Variants in CLUL1 observed in about 807,000 individuals in gnomAD.
CLUL1 encodes the protein clusterin-like protein 1.
A neutral mutation model predicts 49.4 loss-of-function variants in CLUL1; 43 were observed. The observed-to-expected ratio is 0.87, with a 90% CI of 0.68 to 1.12. The LOEUF (loss-of-function observed/expected upper bound fraction) is 1.12. Ranked by LOEUF, CLUL1 falls within the 50% of genes most tolerant of loss-of-function variation. The pLI is 0.00. For synonymous variants in CLUL1, 192 were observed against 184.9 expected, an observed-to-expected ratio of 1.04 and a Z score of -0.31; for missense variants, 486 against 544.4, an observed-to-expected ratio of 0.89 and a Z score of 1.07.
Position 618,138 on chromosome 18 carries a change from T to C in CLUL1, c.106+32T>C, listed in dbSNP as rs563008857. 7.3e-5 allele frequency: 110 copies of C among 1,497,520 alleles called. 2 individuals carry two copies. In the South Asian group the frequency reaches 1.2e-3, roughly 16 times the overall value. 92.8% of individuals were successfully genotyped at this position (1,497,520 alleles called of 1,614,324 possible). ...TTGGTTTCTTATCTGTGCTGTGTCC[T>C]GTTTGCATGTTGGTTGTCCTGCTGG... On this transcript the variant is annotated intron_variant, in intron 3 of 9. Transcript: ENST00000692774. This position sits in a 1 kb window ranked among gnomAD's most constrained non-coding sequence, Gnocchi z 4.2.
chr18:629,148 C>T (rs1384216760), intron 6 of CLUL1, among the ~76,000 whole-genome samples: 1 of 152,132 alleles, frequency 6.6e-6, no homozygotes. Context: ...AGAGAACAGC[C>T]ATCATTACTG....
chr18:642,783 A>G (rs1290408291), intron 8 of CLUL1, among the ~76,000 whole-genome samples: 5 of 152,208 alleles, frequency 3.3e-5, no homozygotes, highest in Non-Finnish European at 7.3e-5. Flanking sequence ...CTAACTGCTT[A>G]TCTCTGAAAC....
intron 2 of CLUL1, among the ~76,000 whole-genome samples, chr18:611,450 G>C (rs576489044): frequency 6.6e-6 from 1 of 151,990 alleles, no homozygotes; most frequent in Non-Finnish European, 1.5e-5. Flanking sequence ...TGTCATCCCA[G>C]CTACTCAGGA....
chr18:624,211 G>A (rs1050979453), intron 4 of CLUL1, among the ~76,000 whole-genome samples: 3 of 151,688 alleles, frequency 2.0e-5, no homozygotes, highest in Non-Finnish European at 4.4e-5. Flanking sequence ...GGGAGCACTG[G>A]GAATATAAAC....
chr18:637,692 T>A (rs2144148605), intron 7 of CLUL1, among the ~76,000 whole-genome samples: 1 of 152,188 alleles, frequency 6.6e-6, no homozygotes, highest in Non-Finnish European at 1.5e-5. Flanking sequence ...CTCTTTCTCC[T>A]GGCCAGGTGC....
intron 9 of CLUL1, chr18:649,613 G>A (rs548818505): frequency 2.2e-4 from 65 of 295,244 alleles, no homozygotes; most frequent in African/African-American, 1.3e-3. Context: ...CAAACACTAC[G>A]TGCATGTAGA....
chr18:639,063 G>A (rs986513059), intron 7 of CLUL1, among the ~76,000 whole-genome samples: 2 of 152,004 alleles, frequency 1.3e-5, no homozygotes, highest in Admixed American at 1.3e-4. Flanking sequence ...TACAAATGCC[G>A]ATATCATACA....
At chr18:644,119 A>G (rs570362098) in intron 8 of CLUL1, among the ~76,000 whole-genome samples, 97 of 152,354 alleles carry the variant, frequency 6.4e-4, no homozygotes, top group Middle Eastern at 3.4e-3. Flanking sequence ...GTTGTATAAT[A>G]GTTACATGGG....
chr18:646,359 G>C (rs2074507500), intron 9 of CLUL1, among the ~76,000 whole-genome samples: 1 of 150,428 alleles, frequency 6.6e-6, no homozygotes, highest in Non-Finnish European at 1.5e-5. Context: ...AGTTGTATCA[G>C]TCAGCCAACC....
Position 644,996 on chromosome 18 carries a change from C to G in CLUL1, c.1296C>G (p.Phe432Leu), listed in dbSNP as rs1361255799. 1 of 1,613,662 alleles carries G rather than the reference C, an allele frequency of 6.2e-7. No homozygotes were observed. The highest frequency in any genetic ancestry group is 8.5e-7 in the Non-Finnish European group (1 of 1,179,662). The change falls in exon 9 of 10, where the codon TTC becomes TTG. Residue 432 changes from phenylalanine to leucine, a missense_variant. Transcript: ENST00000692774. ...TDLSILPSSNFTLKIPLEESA... is the reference protein window; with the variant it reads ...TDLSILPSSNLTLKIPLEESA... ...TAAGCATTCTGCCTTCCTCTAATTT[C>G]ACACTCAAGATCCCTCTTGAAGAAA...
In CLUL1 at chr18:611,846, C is replaced by G. The variant is rs1329260368; in HGVS notation, c.-14+4747C>G. Among the ~76,000 whole-genome samples the G allele has an allele frequency of 3.9e-5, 6 of 152,276 alleles. No homozygotes were observed. The East Asian group carries it at 7.7e-4, about 20-fold the overall frequency. On this transcript the variant is annotated intron_variant, in intron 2 of 9. Transcript: ENST00000692774. The stretch of plus-strand genomic sequence containing the variant: ...TCTTGTTGGTAGTGAGAGTTAGACC[C>G]TGGTGGACTGGGTAGGGGGTTCCTG...
At chr18:633,819 G>GTGTAATCGGAATGAATCAGGGCGGAGCA (rs2074060344) in intron 7 of CLUL1, among the ~76,000 whole-genome samples, 5 of 15,594 alleles carry the variant, frequency 3.2e-4, no homozygotes, top group South Asian at 3.4e-3. Flanking sequence ...AGGGCGGAGC[G>GTGTAATCGGAATGAATCAGGGCGGAGCA]TGTAATCGGA....
At position 619,216 on chromosome 18, in the gene CLUL1, T is replaced by C; in HGVS notation, c.110T>C (p.Phe37Ser). 1 of 1,610,828 alleles carries C rather than the reference T, an allele frequency of 6.2e-7. No homozygotes were observed. Among genetic ancestry groups the C allele is most frequent in the Non-Finnish European group, 8.5e-7 (1 of 1,179,262 alleles). Residue 37 changes from phenylalanine (F) to serine (S), a missense_variant, in exon 4 of 10, where the codon TTT (phenylalanine) becomes TCT (serine). By Grantham distance (155) the Phe-to-Ser change is radical. Transcript: ENST00000692774. ...KTAISENLKS[F>S]SEVGEIDADE... is the part of the protein sequence containing the mutation. ...AAAATTGCCACATGTCTTTTAGGTT[T>C]TTCTGAGGTGGGGGAGATAGATGCA... is the stretch of plus-strand genomic sequence containing the variant.
intron 9 of CLUL1, among the ~76,000 whole-genome samples, chr18:649,278 A>G (rs2074606030): frequency 6.6e-6 from 1 of 152,344 alleles, no homozygotes; most frequent in Admixed American, 6.5e-5. Flanking sequence ...CTGCAGGTAT[A>G]CAGCTCACTG....
At position 645,041 on chromosome 18, in the gene CLUL1, C is replaced by T. The variant is rs552994530; in HGVS notation, c.1341C>T (p.Phe447=). 6.2e-7 allele frequency: 1 copy of T among 1,611,962 alleles called. No homozygotes were observed. Among genetic ancestry groups the T allele is most frequent in the African/African-American group, 1.3e-5 (1 of 74,862 alleles). ...AAGAAAGTGCTGAGAGTTCTAACTT[C>T]ATTGGCTACGTAGTGGCAAAAGCTC... The part of the protein sequence containing the change: ...PLEESAESSN[F]IGYVVAKALQ... The change falls in exon 9 of 10, where the codon TTC becomes TTT. Residue 447 remains phenylalanine (F), a synonymous_variant. Transcript: ENST00000692774.
intron 6 of CLUL1, among the ~76,000 whole-genome samples, chr18:630,305 C>T (rs190674895): frequency 4.5e-4 from 68 of 152,120 alleles, no homozygotes; most frequent in Admixed American, 1.0e-3. Context: ...GGCAGGGTTT[C>T]GCCATGTTGT....
At chr18:617,270 G>A (rs770588506) in intron 2 of CLUL1, among the ~76,000 whole-genome samples, 7 of 152,086 alleles carry the variant, frequency 4.6e-5, no homozygotes, top group South Asian at 2.1e-4. Flanking sequence ...AGCGAACCAC[G>A]TAGGTAAAAA....
intron 4 of CLUL1, among the ~76,000 whole-genome samples, chr18:623,034 C>CTTTT (rs112757495): frequency 7.0e-5 from 10 of 143,524 alleles, no homozygotes; most frequent in Admixed American, 1.4e-4. Flanking sequence ...GGAGAAACAA[C>CTTTT]TTTTTTTTTT....
intron 6 of CLUL1, among the ~76,000 whole-genome samples, chr18:630,672 CTTTTTTTTTTTTTTTTTTTTTT>C (rs36222515): frequency 6.4e-5 from 4 of 62,044 alleles, no homozygotes; most frequent in African/African-American, 2.9e-4. Context: ...CTACTGACAT[CTTTTTTTTTTTTTTTTTTTTTT>C]TTTTTTTTTT....
Sources: gnomAD v4.1 joint callset for allele counts (sites outside exome capture counted in the v4.1 genomes callset) on GRCh38, gnomAD v4.1.1 for gene constraint, Gnocchi (gnomAD v3.1) non-coding constraint, MANE v1.5 for transcripts, NCBI Gene and HGNC (gene_info 2026-07-23, HGNC 2026-07-21) for gene names.